ZFAND3: variants seen among roughly 807,000 people sequenced by gnomAD.
ZFAND3 encodes AN1-type zinc finger protein 3.
Under a neutral mutation model 29.6 loss-of-function variants are expected in ZFAND3, and 10 were observed. That is an observed-to-expected ratio of 0.34 (90% CI 0.21 to 0.57). ZFAND3 has a LOEUF of 0.57. ZFAND3 is among the 20% of genes least tolerant of loss of function. ZFAND3 has a pLI of 0.86. For missense variants in ZFAND3, 230 were observed against 304.5 expected, an observed-to-expected ratio of 0.76 and a Z score of 1.82; for synonymous variants, 128 against 112.6, an observed-to-expected ratio of 1.14 and a Z score of -0.87.
chr6:38,010,051 T>G (rs1404263296), intron 2 of ZFAND3, among the ~76,000 whole-genome samples: 2 of 152,196 alleles, frequency 1.3e-5, no homozygotes, highest in African/African-American at 4.8e-5. Context: ...AAAACACTTC[T>G]AACATTGAAT....
rs1764246019 is a variant in ZFAND3 at position 38,061,782 on chromosome 6, G to C, written c.295+7G>C. 1 of 1,613,824 alleles carries C rather than the reference G, an allele frequency of 6.2e-7. No individual in the cohort carries two copies. Among genetic ancestry groups the C allele is most frequent in the Admixed American group, 1.7e-5 (1 of 60,000 alleles). ...TCACCGAGTAAAGAGGAGTGTAAGT[G>C]TCTGGCTTCTGAGGGGTGGTAGAGA... On this transcript the variant is annotated splice_region_variant and intron_variant, in intron 3 of 5. Transcript: ENST00000287218.
At chr6:38,086,330 G>C (rs917868225) in intron 4 of ZFAND3, among the ~76,000 whole-genome samples, 2 of 152,042 alleles carry the variant, frequency 1.3e-5, no homozygotes, top group African/African-American at 2.4e-5. Context: ...TAGATGAAGG[G>C]TGTGTGGTCG....
chr6:37,901,094 G>A lies in ZFAND3; in HGVS notation c.72-28865G>A, dbSNP rs556781796. Among the ~76,000 whole-genome samples the A allele has an allele frequency of 3.3e-5, 5 of 152,256 alleles. No homozygotes were observed. The South Asian group carries it at 1.0e-3, about 32-fold the overall frequency. On this transcript the variant is annotated intron_variant, in intron 1 of 5. Transcript: ENST00000287218. ...TTTTATTGAAAGATAGGCTACTGTG[G>A]TGTTAGAGGTGAGGGAGCAAGGGAG...
chr6:37,982,311 T>G (rs1272074439), intron 2 of ZFAND3, among the ~76,000 whole-genome samples: 1 of 152,068 alleles, frequency 6.6e-6, no homozygotes, highest in Non-Finnish European at 1.5e-5. Context: ...GGCTTAGTGA[T>G]TTTGGGGTCC....
intron 1 of ZFAND3, among the ~76,000 whole-genome samples, chr6:37,853,598 C>T (rs1275986093): frequency 2.6e-5 from 4 of 152,050 alleles, no homozygotes; most frequent in Non-Finnish European, 5.9e-5. Context: ...AAAATGAATT[C>T]TGAGTTCCAA....
At chr6:38,068,935 G>A (rs953117862) in intron 3 of ZFAND3, among the ~76,000 whole-genome samples, 5 of 152,132 alleles carry the variant, frequency 3.3e-5, no homozygotes, top group East Asian at 1.9e-4. Flanking sequence ...TGGTGATATC[G>A]TAGCTCCCTC....
chr6:37,829,134 A>C (rs1763813474), intron 1 of ZFAND3, among the ~76,000 whole-genome samples: 1 of 152,106 alleles, frequency 6.6e-6, no homozygotes, highest in Non-Finnish European at 1.5e-5. Flanking sequence ...TTCTCTTACG[A>C]AGTGGAGAAC....
At chr6:37,828,516 A>G (rs963543803) in intron 1 of ZFAND3, among the ~76,000 whole-genome samples, 7 of 152,254 alleles carry the variant, frequency 4.6e-5, no homozygotes, top group Middle Eastern at 3.2e-3. Context: ...AACTAGTCAT[A>G]AGAGTATTAA....
chr6:37,941,961 C>G (rs914899983), intron 2 of ZFAND3, among the ~76,000 whole-genome samples: 8 of 152,142 alleles, frequency 5.3e-5, no homozygotes, highest in Non-Finnish European at 1.2e-4. Context: ...CCCAGCTTCC[C>G]TGTGGGTTTT....
At chr6:38,044,368 T>C (rs1763855549) in intron 2 of ZFAND3, among the ~76,000 whole-genome samples, 1 of 152,166 alleles carries the variant, frequency 6.6e-6, no homozygotes, top group African/African-American at 2.4e-5. Flanking sequence ...TAAGTCTAGT[T>C]AACACTCTTA....
At chr6:38,044,352 T>C (rs1426288565) in intron 2 of ZFAND3, among the ~76,000 whole-genome samples, 3 of 152,228 alleles carry the variant, frequency 2.0e-5, no homozygotes, top group African/African-American at 7.2e-5. Context: ...TTAATTTGGT[T>C]GAAAGTAAGT....
chr6:37,860,275 A>G (rs907796188), intron 1 of ZFAND3, among the ~76,000 whole-genome samples: 1 of 151,556 alleles, frequency 6.6e-6, no homozygotes, highest in Non-Finnish European at 1.5e-5. Flanking sequence ...AAAGAGGAAT[A>G]ATATTATAAA....
rs563488561 is a variant in ZFAND3 at position 37,996,539 on chromosome 6, C to T, written c.113-65054C>T. Among the ~76,000 whole-genome samples, 8 of 152,188 alleles carry T rather than the reference C, an allele frequency of 5.3e-5. No individual in the cohort carries two copies. In the South Asian group the frequency reaches 1.5e-3, roughly 28 times the overall value. On this transcript the variant is annotated intron_variant, in intron 2 of 5. Transcript: ENST00000287218. Reference sequence around the variant, plus strand: ...CCTGAGTTCAGTTATTCTTAGCTGCCCCTTAACCCCCTAATAGGTTTTTTT... The same window carrying T: ...CCTGAGTTCAGTTATTCTTAGCTGCTCCTTAACCCCCTAATAGGTTTTTTT...
At chr6:38,048,985 C>T (rs1763965583) in intron 2 of ZFAND3, among the ~76,000 whole-genome samples, 1 of 152,192 alleles carries the variant, frequency 6.6e-6, no homozygotes, top group Non-Finnish European at 1.5e-5. Flanking sequence ...TTTCAAGGCA[C>T]AGACGTCTTG....
At chr6:37,968,051 A>G (rs1475598758) in intron 2 of ZFAND3, among the ~76,000 whole-genome samples, 1 of 152,218 alleles carries the variant, frequency 6.6e-6, no homozygotes, top group Admixed American at 6.5e-5. Context: ...AAATGGGAGT[A>G]ATTGAACATT....
At chr6:38,136,737 A>G (rs1454445266) in intron 5 of ZFAND3, among the ~76,000 whole-genome samples, 1 of 152,192 alleles carries the variant, frequency 6.6e-6, no homozygotes, top group Non-Finnish European at 1.5e-5. Context: ...TGTGCACAGC[A>G]GGCCACTGTT....
chr6:37,903,887 A>G (rs1765363142), intron 1 of ZFAND3, among the ~76,000 whole-genome samples: 2 of 152,206 alleles, frequency 1.3e-5, no homozygotes, highest in Admixed American at 1.3e-4. Flanking sequence ...GATATTCTCA[A>G]AGGGCAATAT....
At position 37,944,797 on chromosome 6, in the gene ZFAND3, G is replaced by T. The variant is rs189193576; in HGVS notation, c.112+14798G>T. On this transcript the variant is annotated intron_variant, in intron 2 of 5. Transcript: ENST00000287218. ...GACATCAACTCTGATCAATGGTCAGGCTCTTGACAGTGTCTTCAGTAGGAA... is the reference window on the plus strand; with the variant it reads ...GACATCAACTCTGATCAATGGTCAGTCTCTTGACAGTGTCTTCAGTAGGAA... Among the ~76,000 whole-genome samples, 318 of 152,310 alleles carry T rather than the reference G, an allele frequency of 2.1e-3. 3 individuals are homozygous for T. The highest frequency in any genetic ancestry group is 7.3e-3 in the African/African-American group (304 of 41,568).
At chr6:38,111,860 G>C (rs1009417606) in intron 4 of ZFAND3, among the ~76,000 whole-genome samples, 2 of 152,124 alleles carry the variant, frequency 1.3e-5, no homozygotes, top group African/African-American at 4.8e-5. Flanking sequence ...TCAAGGGTCA[G>C]CTGTATACGG....
Sources: allele counts gnomAD v4.1 joint callset (sites outside exome capture counted in the v4.1 genomes callset), GRCh38; gene constraint gnomAD v4.1.1; transcripts MANE v1.5; gene names NCBI Gene and HGNC (gene_info 2026-07-23, HGNC 2026-07-21).